Variants in RASGRF2 observed in about 807,000 individuals in gnomAD.
RASGRF2 encodes Ras protein specific guanine nucleotide releasing factor 2, also known as ras-specific guanine nucleotide-releasing factor 2.
Under a neutral mutation model 151.0 loss-of-function variants are expected in RASGRF2, and 76 were observed. That is an observed-to-expected ratio of 0.50 (90% CI 0.42 to 0.61). The LOEUF (loss-of-function observed/expected upper bound fraction) is 0.61. Among genes scored for constraint, RASGRF2 ranks in the 20% least tolerant of loss-of-function variants. The pLI, the probability that RASGRF2 is intolerant of heterozygous loss-of-function variation, is 0.00. For missense variants in RASGRF2, 1,148 were observed against 1,564.6 expected (o/e 0.73, Z 4.49); for synonymous variants, 504 against 566.5 (o/e 0.89, Z 1.57).
At chr5:81,044,407 G>A (rs1344410829) in intron 2 of RASGRF2, among the ~76,000 whole-genome samples, 4 of 151,964 alleles carry the variant, frequency 2.6e-5, no homozygotes, top group African/African-American at 2.4e-5. Flanking sequence ...GAGAGAGCAA[G>A]ACTCCATCTA....
intron 3 of RASGRF2, among the ~76,000 whole-genome samples, chr5:81,069,064 G>A (rs757922318): frequency 6.6e-6 from 1 of 152,208 alleles, no homozygotes. Context: ...AAACAGTTTA[G>A]GCTTGTCAGT....
At chr5:81,072,261 AT>A (rs1429279604) in intron 4 of RASGRF2, among the ~76,000 whole-genome samples, 5 of 152,166 alleles carry the variant, frequency 3.3e-5, no homozygotes, top group Admixed American at 1.3e-4. Flanking sequence ...TCCCCACATG[AT>A]TGTGTTAAAA....
At position 81,073,424 on chromosome 5, in the gene RASGRF2, G is replaced by A. The variant is rs746029332; in HGVS notation, c.859G>A (p.Asp287Asn). 5.0e-5 allele frequency: 81 copies of A among 1,613,968 alleles called. No individual in the cohort carries two copies. The Admixed American group carries it at 8.0e-4, about 16-fold the overall frequency. The change falls in exon 5 of 27, where the codon GAC (aspartate) becomes AAC (asparagine). Residue 287 changes from aspartate to asparagine, a missense_variant. Around this residue, in one of 5 missense-constraint regions of RASGRF2, gnomAD observed 176 missense variants for 309.6 expected, o/e 0.57. Transcript: ENST00000265080. Reference sequence around the variant, plus strand: ...CTCCAAGAAGCCCCCCATCAGCCACGACGACGTCAGCAGTATTTTTCTTAA... The same window carrying A: ...CTCCAAGAAGCCCCCCATCAGCCACAACGACGTCAGCAGTATTTTTCTTAA... ...ASSKKPPISHDDVSSIFLNSE... is the reference protein window; with the variant it reads ...ASSKKPPISHNDVSSIFLNSE...
chr5:81,062,784 GT>G (rs1418678010), intron 2 of RASGRF2, among the ~76,000 whole-genome samples: 1 of 152,102 alleles, frequency 6.6e-6, no homozygotes, highest in African/African-American at 2.4e-5. Flanking sequence ...CATCTGGCTT[GT>G]TTTCTTGCAT....
chr5:81,229,182 C>T lies in RASGRF2; in HGVS notation c.*3412C>T, dbSNP rs891825163. 3.4e-5 allele frequency: 5 copies of T among 148,820 alleles called. No homozygotes were observed. Among genetic ancestry groups the T allele is most frequent in the African/African-American group, 1.2e-4 (5 of 40,356 alleles). The allele number at this position is 148,820 out of a possible 1,614,324, so 9.2% of individuals were successfully genotyped here. ...TTTTTTTTCAAAGTTTGATTTTATC[C>T]CCTTGAAAAAAAATCTCTTCACTTT... On this transcript the variant is annotated 3_prime_UTR_variant, in exon 27 of 27. Coordinates refer to ENST00000265080, the MANE Select transcript of RASGRF2 (RefSeq NM_006909.3).
rs57890623 is a variant in RASGRF2 at position 81,171,549 on chromosome 5, TTGTGTGTGTGTG to T, written c.2687-8614_2687-8603del. ...AATTCAAAGTGTGTTCCTTTTGTGTTTGTGTGTGTGTGTGTGTGTGTGTATGTGTTCTGCATA... is the reference window on the plus strand; with the variant it reads ...AATTCAAAGTGTGTTCCTTTTGTGTTTGTGTGTGTGTATGTGTTCTGCATA... On this transcript the variant is annotated intron_variant, in intron 17 of 26. Coordinates refer to ENST00000265080, the MANE Select transcript of RASGRF2 (RefSeq NM_006909.3). Among the ~76,000 whole-genome samples the T allele has an allele frequency of 1.1e-4, 16 of 150,626 alleles. No homozygotes were observed. The South Asian group carries it at 3.4e-3, about 32-fold the overall frequency.
intron 1 of RASGRF2, among the ~76,000 whole-genome samples, chr5:81,004,007 T>C (rs2112297491): frequency 6.6e-6 from 1 of 152,326 alleles, no homozygotes. Flanking sequence ...ACAAGGGTGC[T>C]AGTCAGTTGC....
intron 1 of RASGRF2, among the ~76,000 whole-genome samples, chr5:81,018,472 C>T (rs1194852898): frequency 1.3e-5 from 2 of 152,136 alleles, no homozygotes; most frequent in Non-Finnish European, 2.9e-5. Context: ...TCTGAAGGGC[C>T]AGACGTACCG....
Position 80,982,889 on chromosome 5 carries a change from C to T in RASGRF2, c.288+21863C>T, listed in dbSNP as rs552843031. Among the ~76,000 whole-genome samples, 22 of 152,082 alleles carry T rather than the reference C, an allele frequency of 1.4e-4. No individual in the cohort carries two copies. In the South Asian group the frequency reaches 1.9e-3, roughly 13 times the overall value. On this transcript the variant is annotated intron_variant, in intron 1 of 26. Transcript: ENST00000265080. ...TGCTGGGATTACAGGTGTGAGCCAC[C>T]GCGCCCAGCCAGGAATTTGGTTCTA...
intron 17 of RASGRF2, among the ~76,000 whole-genome samples, chr5:81,139,073 C>T (rs368333688): frequency 2.9e-4 from 44 of 152,298 alleles, no homozygotes; most frequent in African/African-American, 1.0e-3. Flanking sequence ...TCACTTCTCT[C>T]AGCGATATTT....
At chr5:81,059,979 G>A (rs1751368607) in intron 2 of RASGRF2, among the ~76,000 whole-genome samples, 1 of 152,262 alleles carries the variant, frequency 6.6e-6, no homozygotes, top group Admixed American at 6.5e-5. Context: ...AGAGACCGCA[G>A]GAAGCTTTTA....
At chr5:80,982,238 A>G (rs1311829297) in intron 1 of RASGRF2, among the ~76,000 whole-genome samples, 3 of 152,202 alleles carry the variant, frequency 2.0e-5, no homozygotes, top group Non-Finnish European at 2.9e-5. Flanking sequence ...AAGAAGTTTA[A>G]GGTCTCATCT....
At chr5:81,092,677 G>T in intron 9 of RASGRF2, 124 bp from the exon 10 acceptor site, 1 of 842,774 alleles carries the variant, frequency 1.2e-6, no homozygotes, top group Non-Finnish European at 1.9e-6. Context: ...TTGTTCTGAT[G>T]ATGTGTCACA....
intron 1 of RASGRF2, among the ~76,000 whole-genome samples, chr5:81,040,538 T>C (rs978189463): frequency 1.3e-5 from 2 of 152,200 alleles, no homozygotes; most frequent in Non-Finnish European, 2.9e-5. Flanking sequence ...GTTTTTCTAG[T>C]CTCTGTTACA....
chr5:81,216,376 CACACACACAA>C (rs1193031450), intron 24 of RASGRF2, among the ~76,000 whole-genome samples: 2 of 127,800 alleles, frequency 1.6e-5, no homozygotes, highest in South Asian at 2.4e-4. Context: ...CACGCACACA[CACACACACAA>C]ACACACACAC....
At chr5:81,191,063 T>C (rs1344091724) in intron 18 of RASGRF2, among the ~76,000 whole-genome samples, 1 of 152,210 alleles carries the variant, frequency 6.6e-6, no homozygotes, top group Non-Finnish European at 1.5e-5. Flanking sequence ...GACTGCGGCA[T>C]GCAACCCTCA....
At chr5:81,085,993 A>G in intron 8 of RASGRF2, 82 bp downstream of exon 8, 4 of 1,553,422 alleles carry the variant, frequency 2.6e-6, no homozygotes, top group African/African-American at 1.4e-5. Flanking sequence ...TATATGTTCT[A>G]AGGAACAAGA....
chr5:80,961,057 A>G, intron 1 of RASGRF2, 31 bp downstream of exon 1: 1 of 1,419,908 alleles, frequency 7.0e-7, no homozygotes, highest in East Asian at 2.6e-5. Flanking sequence ...GCGGTCTCCC[A>G]GCCTTGATCG....
intron 1 of RASGRF2, among the ~76,000 whole-genome samples, chr5:80,988,019 G>A (rs1431061315): frequency 1.4e-5 from 2 of 143,628 alleles, no homozygotes; most frequent in African/African-American, 5.4e-5. Context: ...GTGTGTGTGT[G>A]TGTGTGTGTG....
Sources: gnomAD v4.1 joint callset for allele counts (sites outside exome capture counted in the v4.1 genomes callset) on GRCh38, gnomAD v4.1.1 for gene constraint, gnomAD v4.1.1 regional missense constraint, MANE v1.5 for transcripts, NCBI Gene and HGNC (gene_info 2026-07-23, HGNC 2026-07-21) for gene names.